Variants in NCOA1 observed in about 807,000 individuals in gnomAD.
NCOA1 encodes nuclear receptor coactivator 1.
Under a neutral mutation model 150.9 loss-of-function variants are expected in NCOA1, and 35 were observed. That is an observed-to-expected ratio of 0.23 (90% CI 0.18 to 0.31). NCOA1 has a LOEUF of 0.31. NCOA1 is among the 10% of genes least tolerant of loss of function. NCOA1 has a pLI of 1.00. For missense variants in NCOA1, 1,491 were observed against 1,749.3 expected, an observed-to-expected ratio of 0.85 and a Z score of 2.63; for synonymous variants, 590 against 630.0, an observed-to-expected ratio of 0.94 and a Z score of 0.95.
chr2:24,760,618 A>G (rs1664743757), intron 21 of NCOA1, among the ~76,000 whole-genome samples: 1 of 152,246 alleles, frequency 6.6e-6, no homozygotes, highest in East Asian at 1.9e-4. Context: ...AGTGTTGCTG[A>G]TGAGACATCT....
chr2:24,594,801 A>G (rs983771012), intron 3 of NCOA1, among the ~76,000 whole-genome samples: 2 of 152,158 alleles, frequency 1.3e-5, no homozygotes, highest in Non-Finnish European at 2.9e-5. Flanking sequence ...AGTTCAACAT[A>G]CTTAACCAAT....
At chr2:24,505,823 T>A (rs1462343165) in intron 1 of NCOA1, among the ~76,000 whole-genome samples, 1 of 152,170 alleles carries the variant, frequency 6.6e-6, no homozygotes, top group Non-Finnish European at 1.5e-5. Context: ...TTGAAAAACA[T>A]ATTGGATGAA....
At chr2:24,548,009 G>T (rs899723986) in intron 1 of NCOA1, among the ~76,000 whole-genome samples, 1 of 105,134 alleles carries the variant, frequency 9.5e-6, no homozygotes, top group Non-Finnish European at 2.1e-5. Context: ...AAAAAAAAAA[G>T]GATGAGGGAA....
In NCOA1 at chr2:24,525,725, T is replaced by A. The variant is rs140233760; in HGVS notation, c.-396+34123T>A. 7.0e-3 allele frequency among the ~76,000 whole-genome samples: 1,059 copies of A among 152,202 alleles called. 12 individuals carry two copies. The highest frequency in any genetic ancestry group is 0.024 in the African/African-American group (998 of 41,520). ...CCATGCCTGGCTAATTTTTTTGTAT[T>A]TTTAGTAGAGATGGGGTTTTGCCAC... On this transcript the variant is annotated intron_variant, in intron 1 of 22. Transcript: ENST00000348332.
chr2:24,594,840 CTG>C (rs1292980138), intron 3 of NCOA1, among the ~76,000 whole-genome samples: 5 of 152,022 alleles, frequency 3.3e-5, no homozygotes, highest in Non-Finnish European at 5.9e-5. Context: ...TGCGATGAGA[CTG>C]TTTCACTTTT....
At chr2:24,523,326 G>T (rs1187568534) in intron 1 of NCOA1, among the ~76,000 whole-genome samples, 1 of 152,072 alleles carries the variant, frequency 6.6e-6, no homozygotes, top group African/African-American at 2.4e-5. Flanking sequence ...TGGGCTTTTG[G>T]CCGGGAGCAG....
intron 4 of NCOA1, among the ~76,000 whole-genome samples, chr2:24,647,796 A>G (rs1328014860): frequency 1.3e-5 from 2 of 152,184 alleles, no homozygotes; most frequent in African/African-American, 4.8e-5. Flanking sequence ...TGGCAACTGG[A>G]AGGGTAAGCA....
At chr2:24,658,955 A>G in intron 5 of NCOA1, 189 bp downstream of exon 5, 1 of 569,944 alleles carries the variant, frequency 1.8e-6, no homozygotes, top group East Asian at 2.9e-5. Flanking sequence ...CTTCCTCTTG[A>G]TTTCCTTTAG....
chr2:24,501,191 C>A (rs1663446164), intron 1 of NCOA1, among the ~76,000 whole-genome samples: 1 of 152,150 alleles, frequency 6.6e-6, no homozygotes, highest in African/African-American at 2.4e-5. Context: ...AATTGAATAT[C>A]ATGTTTTATT....
In NCOA1 at chr2:24,768,463, G is replaced by T. The variant is rs1665176772; in HGVS notation, c.*72G>T. On this transcript the variant is annotated 3_prime_UTR_variant, in exon 23 of 23. Coordinates refer to ENST00000348332, the MANE Select transcript of NCOA1 (RefSeq NM_003743.5). ...ATACAAATATATTATATATTTTTCT[G>T]AGATTTTTGATATCTCAATCTGCAG... 2.3e-6 allele frequency: 2 copies of T among 876,724 alleles called. No homozygotes were observed. Among genetic ancestry groups the T allele is most frequent in the African/African-American group, 2.0e-5 (1 of 50,144 alleles). 54.3% of individuals were successfully genotyped at this position (876,724 alleles called of 1,614,324 possible).
intron 1 of NCOA1, among the ~76,000 whole-genome samples, chr2:24,510,042 G>A (rs1663867911): frequency 6.6e-6 from 1 of 152,206 alleles, no homozygotes; most frequent in Admixed American, 6.5e-5. Flanking sequence ...GCCTGGGGCA[G>A]AGTGTAGGAC....
chr2:24,682,927 C>G lies in NCOA1; in HGVS notation c.355-24C>G, dbSNP rs1371146728. 5 of 1,558,116 alleles carry G rather than the reference C, an allele frequency of 3.2e-6. 1 individual carries two copies. The South Asian group carries it at 6.2e-5, about 19-fold the overall frequency. On this transcript the variant is annotated intron_variant, in intron 7 of 22. Coordinates refer to ENST00000348332, the MANE Select transcript of NCOA1 (RefSeq NM_003743.5). ...TTCTTTTATCTTTCAACCTCCAAACCATTTTTTTCTTTTGGTTTTGCAGGC... is the reference window on the plus strand; with the variant it reads ...TTCTTTTATCTTTCAACCTCCAAACGATTTTTTTCTTTTGGTTTTGCAGGC...
intron 3 of NCOA1, among the ~76,000 whole-genome samples, chr2:24,628,557 G>A (rs1439962): frequency 0.41 from 62,577 of 152,012 alleles, 14,339 homozygotes; most frequent in Admixed American, 0.58. Flanking sequence ...TTGAGTGAGA[G>A]AGATACACAA....
intron 5 of NCOA1, chr2:24,659,188 T>C: frequency 5.7e-6 from 1 of 174,972 alleles, no homozygotes; most frequent in Non-Finnish European, 1.2e-5. Context: ...AAGGACCTTG[T>C]TTGTTCTTGC....
At chr2:24,709,386 A>G (rs552682722) in intron 13 of NCOA1, among the ~76,000 whole-genome samples, 1 of 152,252 alleles carries the variant, frequency 6.6e-6, no homozygotes, top group East Asian at 1.9e-4. Flanking sequence ...TCAATATTTT[A>G]GATTTTTAGC....
chr2:24,728,556 T>G, intron 16 of NCOA1, 80 bp downstream of exon 16: 1 of 1,224,454 alleles, frequency 8.2e-7, no homozygotes, highest in Non-Finnish European at 1.1e-6. Flanking sequence ...TTTTAAAGTA[T>G]TGTACCCACT....
chr2:24,707,408 G>C lies in NCOA1; in HGVS notation c.1938G>C (p.Arg646=). 1 of 1,614,168 alleles carries C rather than the reference G, an allele frequency of 6.2e-7. No individual in the cohort carries two copies. The highest frequency in any genetic ancestry group is 8.5e-7 in the Non-Finnish European group (1 of 1,180,032). ...LLTTTAEQQL[R]HADIDTSCKD... ...CAACAACTGCCGAACAGCAGTTACG[G>C]CATGCTGATATAGACACAAGCTGCA... Residue 646 remains arginine (R), a synonymous_variant, in exon 13 of 23, where the codon CGG becomes CGC. Transcript: ENST00000348332.
rs745834214 is a variant in NCOA1, at chr2:24,768,344, C to T, written c.4279C>T (p.Pro1427Ser). The T allele has an allele frequency of 6.2e-7, 1 of 1,613,332 alleles. No homozygotes were observed. The highest frequency in any genetic ancestry group is 8.5e-7 in the Non-Finnish European group (1 of 1,179,630). The change falls in exon 23 of 23, where the codon CCC becomes TCC. Residue 1427 changes from proline to serine, a missense_variant. By Grantham distance (74) the Pro-to-Ser change is moderately conservative (BLOSUM62 -1). This residue lies in a region of NCOA1 where 46 missense variants were observed against 78.8 expected (regional missense o/e 0.58). Transcript: ENST00000348332. ...AAAGCCCACGTCAGGACCACAGACC[C>T]CCCAGGCCCAGCAGAAGAGCCTCCT... is the stretch of plus-strand genomic sequence containing the variant. ...TQKPTSGPQT[P>S]QAQQKSLLQQ...
At chr2:24,655,289 T>C (rs1239632351) in intron 4 of NCOA1, among the ~76,000 whole-genome samples, 2 of 152,226 alleles carry the variant, frequency 1.3e-5, no homozygotes, top group African/African-American at 2.4e-5. Context: ...CCAAGGATTT[T>C]ATTTTTAAAG....
Sources: allele counts gnomAD v4.1 joint callset (sites outside exome capture counted in the v4.1 genomes callset), GRCh38; gene constraint gnomAD v4.1.1; regional missense constraint gnomAD v4.1.1; transcripts MANE v1.5; gene names NCBI Gene and HGNC (gene_info 2026-07-23, HGNC 2026-07-21).